The following AGPAT3 variants were observed in gnomAD, a reference collection of about 807,000 sequenced individuals.
AGPAT3 encodes the protein 1-acylglycerol-3-phosphate O-acyltransferase 3.
AGPAT3 carries 5 observed loss-of-function variants against 47.3 expected under a neutral mutation model. That is an observed-to-expected ratio of 0.11 (90% CI 0.06 to 0.22). The LOEUF (loss-of-function observed/expected upper bound fraction) is 0.22, where lower values mean the gene tolerates loss of function less well. AGPAT3 is among the 10% of genes least tolerant of loss of function. The pLI is 1.00. For missense variants in AGPAT3, 315 were observed against 493.0 expected (o/e 0.64, Z 3.42); for synonymous variants, 212 against 208.3 (o/e 1.02, Z -0.15).
Position 43,969,163 on chromosome 21 carries a change from A to G in AGPAT3, c.394A>G (p.Ile132Val). 2 of 1,614,154 alleles carry G rather than the reference A, an allele frequency of 1.2e-6. No individual in the cohort carries two copies. Among genetic ancestry groups the G allele is most frequent in the East Asian group, 2.2e-5 (1 of 44,868 alleles). Residue 132 changes from isoleucine (I) to valine (V), a missense_variant, in exon 5 of 10, where the codon ATC becomes GTC. Physicochemically the swap from Ile to Val is conservative, Grantham distance 29. Coordinates refer to ENST00000291572, the MANE Select transcript of AGPAT3 (RefSeq NM_020132.5). ...AKKELLYVPL[I>V]GWTWYFLEIV... ...GAAGGAGCTGCTCTACGTGCCCCTC[A>G]TCGGCTGGACGTGGTACTTTCTGGA...
In AGPAT3 at chr21:43,876,702, C is replaced by A. The variant is rs981663442; in HGVS notation, c.-112+11357C>A. On this transcript the variant is annotated intron_variant, in intron 1 of 9. Transcript: ENST00000291572. ...GATTAGATATACCAAAATGACCAGG[C>A]TGTCTGGGGGGAAATTTTTTCTCAC... 2.6e-5 allele frequency among the ~76,000 whole-genome samples: 4 copies of A among 152,122 alleles called. No homozygotes were observed. The South Asian group carries it at 8.3e-4, about 32-fold the overall frequency.
chr21:43,896,209 A>G (rs886151533), intron 1 of AGPAT3, among the ~76,000 whole-genome samples: 1 of 152,216 alleles, frequency 6.6e-6, no homozygotes, highest in African/African-American at 2.4e-5. Context: ...TGGCCGTGAT[A>G]ACTGTTTTTA....
chr21:43,928,783 C>T (rs536681138), intron 2 of AGPAT3, among the ~76,000 whole-genome samples: 37 of 152,284 alleles, frequency 2.4e-4, no homozygotes, highest in Admixed American at 2.1e-3. Flanking sequence ...GGTGTGTTTG[C>T]GTGTGTTTGG....
At position 43,986,615 on chromosome 21, in the gene AGPAT3, A is replaced by G. The variant is rs2030324649; in HGVS notation, c.*4223A>G. ...ATCAAATGTTACTTGCCTAAATGCCAGGAAATTCAACTGGCCTTTTAATCA... is the reference window on the plus strand; with the variant it reads ...ATCAAATGTTACTTGCCTAAATGCCGGGAAATTCAACTGGCCTTTTAATCA... On this transcript the variant is annotated 3_prime_UTR_variant, in exon 10 of 10. Coordinates refer to ENST00000291572, the MANE Select transcript of AGPAT3 (RefSeq NM_020132.5). 6.5e-6 allele frequency: 1 copy of G among 152,688 alleles called. No homozygotes were observed. The highest frequency in any genetic ancestry group is 2.4e-5 in the African/African-American group (1 of 41,476). The allele number at this position is 152,688 out of a possible 1,614,324, so 9.5% of individuals were successfully genotyped here.
chr21:43,979,130 C>T (rs1048906752), intron 8 of AGPAT3, among the ~76,000 whole-genome samples: 2 of 151,942 alleles, frequency 1.3e-5, no homozygotes, highest in African/African-American at 2.4e-5. Flanking sequence ...GAAACCCCGT[C>T]TCTACTAAAA....
At chr21:43,885,009 T>C (rs1327027902) in intron 1 of AGPAT3, among the ~76,000 whole-genome samples, 2 of 152,282 alleles carry the variant, frequency 1.3e-5, no homozygotes, top group African/African-American at 2.4e-5. Flanking sequence ...CGTGGCATTC[T>C]CTTTAAGGGA....
intron 1 of AGPAT3, among the ~76,000 whole-genome samples, chr21:43,875,755 C>T (rs971693286): frequency 6.6e-6 from 1 of 152,092 alleles, no homozygotes; most frequent in Non-Finnish European, 1.5e-5. Context: ...TTACAGGTGC[C>T]CACCACCATG....
chr21:43,977,899 A>AG (rs2089680844), intron 7 of AGPAT3, 147 bp from the exon 8 acceptor site: 1 of 597,662 alleles, frequency 1.7e-6, no homozygotes, highest in Admixed American at 3.1e-5. Context: ...AAAAAAAAAA[A>AG]GAAAAGAAAA....
chr21:43,970,753 T>A lies in AGPAT3; in HGVS notation c.611T>A (p.Leu204Gln). The A allele has an allele frequency of 6.2e-7, 1 of 1,610,254 alleles. No homozygotes were observed. The highest frequency in any genetic ancestry group is 8.5e-7 in the Non-Finnish European group (1 of 1,177,308). ...AKGLPVLKYHLLPRTKGFTTA... is the reference protein window; with the variant it reads ...AKGLPVLKYHQLPRTKGFTTA... ...GGGCTTCCTGTCCTCAAGTACCACC[T>A]GCTGCCGCGGACCAAGGGCTTCACC... Residue 204 changes from leucine to glutamine, a missense_variant, in exon 6 of 10, where the codon CTG becomes CAG. Coordinates refer to ENST00000291572, the MANE Select transcript of AGPAT3 (RefSeq NM_020132.5). The surrounding 1 kb of genome is among the most constrained non-coding windows in gnomAD (Gnocchi z 5.8).
At position 43,955,733 on chromosome 21, in the gene AGPAT3, C is replaced by T. The variant is rs2088420433; in HGVS notation, c.-48-3901C>T. On this transcript the variant is annotated intron_variant, in intron 2 of 9. Transcript: ENST00000291572. This position sits in a 1 kb window ranked among gnomAD's most constrained non-coding sequence, Gnocchi z 4.1. ...CCAGCCTGGCCAACATGGCGAAACC[C>T]CATCTCTACTAAACATACAAAAATT... Among the ~76,000 whole-genome samples, 1 of 151,910 alleles carries T rather than the reference C, an allele frequency of 6.6e-6. No homozygotes were observed. The highest frequency in any genetic ancestry group is 1.5e-5 in the Non-Finnish European group (1 of 67,990).
Position 43,960,100 on chromosome 21 carries a change from A to G in AGPAT3, c.178+241A>G, listed in dbSNP as rs535776000. 4.3e-4 allele frequency among the ~76,000 whole-genome samples: 66 copies of G among 152,348 alleles called. No homozygotes were observed. The South Asian group carries it at 4.6e-3, about 11-fold the overall frequency. On this transcript the variant is annotated intron_variant, in intron 3 of 9. Transcript: ENST00000291572. The stretch of plus-strand genomic sequence containing the variant: ...CAATGGCAGCTTCCCACGGTTTACC[A>G]GAGCATATGGGAATGTTTAAACAAA...
chr21:43,921,272 C>T (rs931357739), intron 2 of AGPAT3, among the ~76,000 whole-genome samples: 11 of 152,172 alleles, frequency 7.2e-5, no homozygotes, highest in African/African-American at 1.9e-4. Context: ...CCCCAGGCCT[C>T]GCCCTGTGCT....
intron 2 of AGPAT3, among the ~76,000 whole-genome samples, chr21:43,913,777 G>A (rs1013228782): frequency 1.4e-4 from 21 of 152,120 alleles, no homozygotes; most frequent in East Asian, 1.9e-4. Context: ...GCTGAATCCC[G>A]CAGGGCACAG....
At chr21:43,980,842 CCTG>C in intron 8 of AGPAT3, 144 bp from the exon 9 acceptor site, 1 of 753,758 alleles carries the variant, frequency 1.3e-6, no homozygotes. Context: ...TTCGCCTGCA[CCTG>C]CAGCTTCTGT....
intron 1 of AGPAT3, among the ~76,000 whole-genome samples, chr21:43,885,914 C>T (rs888110849): frequency 1.3e-5 from 2 of 152,218 alleles, no homozygotes; most frequent in East Asian, 1.9e-4. Flanking sequence ...CACTGAGGAG[C>T]GGGCCAGTGC....
chr21:43,959,601 A>G (rs1601426051), intron 2 of AGPAT3, 33 bp from the exon 3 acceptor site: 18 of 1,591,880 alleles, frequency 1.1e-5, no homozygotes, highest in Non-Finnish European at 1.5e-5. Context: ...GGGCGTGGCC[A>G]CCCTGACGCT....
chr21:43,969,132 C>T lies in AGPAT3; in HGVS notation c.363C>T (p.Leu121=), dbSNP rs146737372. The change falls in exon 5 of 10, where the codon CTC becomes CTT. Residue 121 remains leucine, a synonymous_variant. Coordinates refer to ENST00000291572, the MANE Select transcript of AGPAT3 (RefSeq NM_020132.5). ...CCTCCCTCCAGAGCTCCAAGGTCCT[C>T]GCTAAGAAGGAGCTGCTCTACGTGC... The part of the protein sequence containing the change: ...RFGVLGSSKV[L]AKKELLYVPL... 23 of 1,614,042 alleles carry T rather than the reference C, an allele frequency of 1.4e-5. No homozygotes were observed. Among genetic ancestry groups the T allele is most frequent in the South Asian group, 8.8e-5 (8 of 91,088 alleles).
intron 1 of AGPAT3, among the ~76,000 whole-genome samples, chr21:43,873,731 C>A (rs1284325080): frequency 1.3e-5 from 2 of 152,180 alleles, no homozygotes; most frequent in African/African-American, 2.4e-5. Flanking sequence ...ATTTTTAAAT[C>A]TCTACTATAT....
At chr21:43,971,579 GC>G (rs2089398135) in intron 7 of AGPAT3, 89 bp downstream of exon 7, 5 of 1,248,774 alleles carry the variant, frequency 4.0e-6, no homozygotes, top group Non-Finnish European at 5.8e-6. Flanking sequence ...CTGGGTCCAG[GC>G]CCCACGTCCC....
Sources: allele counts gnomAD v4.1 joint callset (sites outside exome capture counted in the v4.1 genomes callset), GRCh38; gene constraint gnomAD v4.1.1; non-coding constraint Gnocchi (gnomAD v3.1); transcripts MANE v1.5; gene names NCBI Gene and HGNC (gene_info 2026-07-23, HGNC 2026-07-21).